The following CTNND2 variants were observed in gnomAD, a reference collection of about 807,000 sequenced individuals.
CTNND2 encodes the protein catenin delta-2.
CTNND2 carries 22 observed loss-of-function variants against 144.4 expected under a neutral mutation model. The ratio of observed to expected loss-of-function variants is 0.15; its 90% confidence interval spans 0.11 to 0.22. The LOEUF (loss-of-function observed/expected upper bound fraction) is 0.22, where lower values mean the gene tolerates loss of function less well. Among genes scored for constraint, CTNND2 ranks in the 10% least tolerant of loss-of-function variants. CTNND2 has a pLI of 1.00. For missense variants in CTNND2, 1,353 were observed against 1,618.8 expected (o/e 0.84, Z 2.82); for synonymous variants, 751 against 695.6 (o/e 1.08, Z -1.25).
chr5:10,988,201 C>T lies in CTNND2; in HGVS notation c.3253G>A (p.Glu1085Lys). Residue 1085 changes from glutamate to lysine, a missense_variant, in exon 20 of 22, where the codon GAA (glutamate) becomes AAA (lysine). By Grantham distance (56) the Glu-to-Lys change is moderately conservative (BLOSUM62 1). This residue lies in a region of CTNND2 where 459 missense variants were observed against 674.3 expected (regional missense o/e 0.68). Transcript: ENST00000304623. The surrounding 1 kb of genome is among the most constrained non-coding windows in gnomAD (Gnocchi z 5.9). ...ASPREMISLKERKTDYECTGS... is the reference protein window; with the variant it reads ...ASPREMISLKKRKTDYECTGS... ...GTGCACTCGTAGTCTGTTTTCCTTT[C>T]TTTGAGGCTGATCATTTCCCGAGGT... The T allele has an allele frequency of 6.2e-7, 1 of 1,614,196 alleles. No individual in the cohort carries two copies. Among genetic ancestry groups the T allele is most frequent in the Non-Finnish European group, 8.5e-7 (1 of 1,180,040 alleles).
At chr5:11,749,204 T>C (rs13436197) in intron 1 of CTNND2, among the ~76,000 whole-genome samples, 12,856 of 151,984 alleles carry the variant, frequency 0.085, 1,476 homozygotes, top group African/African-American at 0.26. Context: ...AGAGGAAACT[T>C]TGACTCAGAA....
chr5:11,813,059 C>A (rs1398056880), intron 1 of CTNND2, among the ~76,000 whole-genome samples: 1 of 152,180 alleles, frequency 6.6e-6, no homozygotes, highest in Non-Finnish European at 1.5e-5. Context: ...AAGGACATTT[C>A]AGTCAATGAT....
intron 18 of CTNND2, among the ~76,000 whole-genome samples, chr5:10,993,768 C>G (rs549354130): frequency 2.2e-4 from 34 of 151,964 alleles, no homozygotes; most frequent in African/African-American, 8.0e-4. Flanking sequence ...TCAAGTAGAA[C>G]AGGAATAACG....
At chr5:11,854,701 C>T (rs766939326) in intron 1 of CTNND2, among the ~76,000 whole-genome samples, 14 of 152,138 alleles carry the variant, frequency 9.2e-5, no homozygotes, top group East Asian at 7.7e-4. Context: ...AAGTATCGAA[C>T]GTACAGTAAA....
At chr5:11,622,005 A>G (rs987338539) in intron 2 of CTNND2, among the ~76,000 whole-genome samples, 1 of 152,172 alleles carries the variant, frequency 6.6e-6, no homozygotes, top group African/African-American at 2.4e-5. Flanking sequence ...ATTAAAACTA[A>G]ACTCAAATTT....
At chr5:11,484,343 C>T (rs1424948365) in intron 3 of CTNND2, among the ~76,000 whole-genome samples, 2 of 152,198 alleles carry the variant, frequency 1.3e-5, no homozygotes, top group Non-Finnish European at 2.9e-5. Context: ...TTCCACAGCA[C>T]TATGACAATG....
At chr5:11,469,732 C>A (rs891316908) in intron 3 of CTNND2, among the ~76,000 whole-genome samples, 19 of 152,178 alleles carry the variant, frequency 1.2e-4, no homozygotes, top group Non-Finnish European at 2.2e-4. Flanking sequence ...TTTAAATATT[C>A]AAGTATTTTT....
intron 1 of CTNND2, among the ~76,000 whole-genome samples, chr5:11,822,854 G>T (rs1224165674): frequency 6.6e-6 from 1 of 152,176 alleles, no homozygotes; most frequent in Non-Finnish European, 1.5e-5. Context: ...TGAGACTGTA[G>T]ATCTGGATTC....
chr5:11,289,584 A>G (rs943142990), intron 9 of CTNND2, among the ~76,000 whole-genome samples: 1 of 152,214 alleles, frequency 6.6e-6, no homozygotes, highest in Non-Finnish European at 1.5e-5. Flanking sequence ...CTATGGTATC[A>G]GTCAGACGCC....
chr5:11,491,983 A>G (rs545188660), intron 3 of CTNND2, among the ~76,000 whole-genome samples: 1 of 152,358 alleles, frequency 6.6e-6, no homozygotes, highest in African/African-American at 2.4e-5. Context: ...AAGAAGAACA[A>G]GGACAGCTGT....
chr5:11,457,239 A>G lies in CTNND2; in HGVS notation c.288-45170T>C, dbSNP rs916779454. On this transcript the variant is annotated intron_variant, in intron 3 of 21. Transcript: ENST00000304623. ...CAACATAGTGAGACCCTGTCTCTACACAATTTTTTTTTTAAGTTGCCAGGC... is the reference window on the plus strand; with the variant it reads ...CAACATAGTGAGACCCTGTCTCTACGCAATTTTTTTTTTAAGTTGCCAGGC... Among the ~76,000 whole-genome samples the G allele has an allele frequency of 8.5e-5, 13 of 152,066 alleles. No individual in the cohort carries two copies. The South Asian group carries it at 1.5e-3, about 17-fold the overall frequency.
intron 9 of CTNND2, among the ~76,000 whole-genome samples, chr5:11,308,224 CTT>C (rs57613248): frequency 9.6e-5 from 14 of 145,486 alleles, no homozygotes; most frequent in Non-Finnish European, 1.1e-4. Context: ...ATTATAATTA[CTT>C]TTTTTTTTTT....
chr5:10,982,701 T>C (rs772753074), intron 20 of CTNND2, among the ~76,000 whole-genome samples: 6 of 152,240 alleles, frequency 3.9e-5, no homozygotes, highest in Non-Finnish European at 7.3e-5. Context: ...TGCATTCCCA[T>C]GTTTATTGCA....
intron 1 of CTNND2, among the ~76,000 whole-genome samples, chr5:11,880,302 C>T (rs564838444): frequency 5.9e-5 from 9 of 151,984 alleles, no homozygotes; most frequent in South Asian, 2.1e-4. Context: ...CCATAATAAA[C>T]GGAAAACAAA....
chr5:11,821,419 AC>A (rs980506706), intron 1 of CTNND2, among the ~76,000 whole-genome samples: 13 of 152,210 alleles, frequency 8.5e-5, no homozygotes, highest in Admixed American at 7.9e-4. Context: ...GTAAATTGTT[AC>A]CTGCACAATC....
intron 11 of CTNND2, among the ~76,000 whole-genome samples, chr5:11,169,164 T>G (rs755388243): frequency 2.0e-5 from 3 of 152,176 alleles, no homozygotes; most frequent in Non-Finnish European, 2.9e-5. Flanking sequence ...TTCCCCACCT[T>G]GCAATACCCA....
chr5:11,039,961 C>T (rs1361092171), intron 16 of CTNND2, among the ~76,000 whole-genome samples: 1 of 152,092 alleles, frequency 6.6e-6, no homozygotes, highest in East Asian at 1.9e-4. Context: ...ACTTGGGAGG[C>T]TGAGGCAGAA....
intron 14 of CTNND2, among the ~76,000 whole-genome samples, chr5:11,102,918 A>G (rs1338246394): frequency 7.0e-6 from 1 of 143,314 alleles, no homozygotes; most frequent in African/African-American, 2.6e-5. Flanking sequence ...CTTTCTTTGG[A>G]TTTGCTTTAA....
chr5:11,611,183 C>G (rs1028545274), intron 2 of CTNND2, among the ~76,000 whole-genome samples: 12 of 152,144 alleles, frequency 7.9e-5, no homozygotes, highest in Non-Finnish European at 7.3e-5. Flanking sequence ...TCCTTGCTGA[C>G]ACCATGTGAA....
Sources: gnomAD v4.1 joint callset for allele counts (sites outside exome capture counted in the v4.1 genomes callset) on GRCh38, gnomAD v4.1.1 for gene constraint, gnomAD v4.1.1 regional missense constraint, Gnocchi (gnomAD v3.1) non-coding constraint, MANE v1.5 for transcripts, NCBI Gene and HGNC (gene_info 2026-07-23, HGNC 2026-07-21) for gene names.